The following DDX19A variants were observed in gnomAD, a reference collection of about 807,000 sequenced individuals.
DDX19A encodes the protein DEAD-box helicase 19A.
DDX19A carries 12 observed loss-of-function variants against 60.6 expected under a neutral mutation model. The ratio of observed to expected loss-of-function variants is 0.20; its 90% CI spans 0.13 to 0.32. The LOEUF is 0.32. Among genes scored for constraint, DDX19A ranks in the 10% least tolerant of loss-of-function variants. DDX19A has a pLI of 1.00. For missense variants in DDX19A, 337 were observed against 600.6 expected (o/e 0.56, Z 4.59); for synonymous variants, 206 against 218.2 (o/e 0.94, Z 0.49).
chr16:70,356,024 G>A, intron 3 of DDX19A, 88 bp from the exon 4 acceptor site: 19 of 1,557,304 alleles, frequency 1.2e-5, no homozygotes, highest in Non-Finnish European at 1.5e-5. Context: ...GACTGCCCAG[G>A]TGCTAGTGTG....
In DDX19A at chr16:70,346,924, G is replaced by T. The variant is rs190797951; in HGVS notation, c.-68G>T. 1.3e-6 allele frequency: 2 copies of T among 1,521,494 alleles called. No individual in the cohort carries two copies. Among genetic ancestry groups the T allele is most frequent in the East Asian group, 4.7e-5 (2 of 42,554 alleles). The allele number at this position is 1,521,494 out of a possible 1,614,324, so 94.2% of individuals were successfully genotyped here. On this transcript the variant is annotated 5_prime_UTR_variant, in exon 1 of 12. It adds an upstream start codon to the 5' untranslated region. Transcript: ENST00000302243. Reference sequence around the variant, plus strand: ...AGGTGCATTCTCGCGCCGGTGGCGAGGTTAGGGCCCGCGTTGCGACGTGGT... The same window carrying T: ...AGGTGCATTCTCGCGCCGGTGGCGATGTTAGGGCCCGCGTTGCGACGTGGT...
chr16:70,373,255 A>C lies in DDX19A; in HGVS notation c.*1269A>C, dbSNP rs1243267232. ...CTCAATAAATAAATAAGGATGGATA[A>C]ATTGTAGCGTATGCACCATTCATTA... On this transcript the variant is annotated 3_prime_UTR_variant, in exon 12 of 12. Coordinates refer to ENST00000302243, the MANE Select transcript of DDX19A (RefSeq NM_018332.5). 1.3e-5 allele frequency: 2 copies of C among 152,132 alleles called. No homozygotes were observed. The highest frequency in any genetic ancestry group is 2.1e-4 in the South Asian group (1 of 4,828). 9.4% of individuals were successfully genotyped at this position (152,132 alleles called of 1,614,324 possible). A position where few individuals can be genotyped will look rare whatever the true frequency, so the allele number is the denominator to read the frequency against.
At position 70,347,018 on chromosome 16, in the gene DDX19A, G is replaced by A; in HGVS notation, c.27G>A (p.Ala9=). 2 of 1,612,718 alleles carry A rather than the reference G, an allele frequency of 1.2e-6. No homozygotes were observed. The highest frequency in any genetic ancestry group is 1.7e-6 in the Non-Finnish European group (2 of 1,179,804). The part of the protein sequence containing the change: MATDSWAL[A]VDEQEAAVKS... ...TGGCCACCGACTCGTGGGCCCTGGC[G>A]GTGGACGAGCAGGAAGCGGCTGTCA... Residue 9 remains alanine, a synonymous_variant, in exon 1 of 12, where the codon GCG becomes GCA. Coordinates refer to ENST00000302243, the MANE Select transcript of DDX19A (RefSeq NM_018332.5).
At position 70,347,146 on chromosome 16, in the gene DDX19A, C is replaced by CAACG. The variant is rs1348259459; in HGVS notation, c.57+99_57+102dup. 3 of 1,195,640 alleles carry CAACG rather than the reference C, an allele frequency of 2.5e-6. No homozygotes were observed. The African/African-American group carries it at 4.5e-5, about 18-fold the overall frequency. The allele number at this position is 1,195,640 out of a possible 1,614,324, so 74.1% of individuals were successfully genotyped here. A position where few individuals can be genotyped will look rare whatever the true frequency, so the allele number is the denominator to read the frequency against. ...TCCCCGGGTTGGGGAGGCCCCTGGGCAACGCGCTCCTGCAGTTTGCTAGGG... is the reference window on the plus strand; with the variant it reads ...TCCCCGGGTTGGGGAGGCCCCTGGGCAACGAACGCGCTCCTGCAGTTTGCTAGGG... On this transcript the variant is annotated intron_variant, in intron 1 of 11. Coordinates refer to ENST00000302243, the MANE Select transcript of DDX19A (RefSeq NM_018332.5).
chr16:70,359,225 A>G (rs918365004), intron 4 of DDX19A, among the ~76,000 whole-genome samples: 20 of 152,358 alleles, frequency 1.3e-4, no homozygotes, highest in African/African-American at 4.6e-4. Flanking sequence ...AAGCTGTTGG[A>G]TCATTTGAGT....
Position 70,353,637 on chromosome 16 carries a change from A to G in DDX19A, c.107-1848A>G, listed in dbSNP as rs1964094132. 2.0e-5 allele frequency among the ~76,000 whole-genome samples: 3 copies of G among 152,240 alleles called. No individual in the cohort carries two copies. In the South Asian group the frequency reaches 6.2e-4, roughly 32 times the overall value. ...AATTGGTGGCCGGGCACAGCGGCTC[A>G]TGCTTGTAATTCCAGCACTTTGGGA... On this transcript the variant is annotated intron_variant, in intron 2 of 11. Coordinates refer to ENST00000302243, the MANE Select transcript of DDX19A (RefSeq NM_018332.5).
chr16:70,356,524 T>C (rs1406268897), intron 4 of DDX19A, among the ~76,000 whole-genome samples: 1 of 151,904 alleles, frequency 6.6e-6, no homozygotes, highest in Non-Finnish European at 1.5e-5. Flanking sequence ...GTCAAGCTAA[T>C]TTTTTGTATT....
At chr16:70,361,306 G>A (rs1335579874) in intron 4 of DDX19A, 112 bp from the exon 5 acceptor site, 18 of 825,534 alleles carry the variant, frequency 2.2e-5, no homozygotes, top group Admixed American at 9.6e-5. Context: ...AGGAAAATAC[G>A]TCTGACAGAG....
chr16:70,355,927 A>C (rs1964171235), intron 3 of DDX19A, 185 bp from the exon 4 acceptor site: 2 of 731,370 alleles, frequency 2.7e-6, no homozygotes, highest in South Asian at 1.9e-5. Flanking sequence ...GCTCCACTGC[A>C]CTCCAGCCTG....
chr16:70,367,819 G>A (rs1458010421), intron 9 of DDX19A, among the ~76,000 whole-genome samples: 2 of 151,858 alleles, frequency 1.3e-5, no homozygotes, highest in Non-Finnish European at 2.9e-5. Context: ...GGAGATTGCA[G>A]TGAGCTGAGA....
Position 70,372,206 on chromosome 16 carries a change from C to T in DDX19A, c.*220C>T, listed in dbSNP as rs2047284315. 4.5e-6 allele frequency: 3 copies of T among 671,138 alleles called. No homozygotes were observed. The highest frequency in any genetic ancestry group is 7.6e-6 in the Non-Finnish European group (3 of 395,936). 41.6% of individuals were successfully genotyped at this position (671,138 alleles called of 1,614,324 possible). A position where few individuals can be genotyped will look rare whatever the true frequency, so the allele number is the denominator to read the frequency against. On this transcript the variant is annotated 3_prime_UTR_variant, in exon 12 of 12. Transcript: ENST00000302243. ...GCATTTTGGAAAATTGGGTCCTTTC[C>T]CCACTTTTTTAAAGCCACATTCCCC...
chr16:70,357,362 GTTTGTTTTTTTTTTTTT>G (rs1964235086), intron 4 of DDX19A, among the ~76,000 whole-genome samples: 1 of 48,876 alleles, frequency 2.0e-5, no homozygotes, highest in African/African-American at 8.0e-5. Flanking sequence ...TCTGTTTTTG[GTTTGTTTTTTTTTTTTT>G]TTTTTTTTTT....
At chr16:70,347,119 G>A in intron 1 of DDX19A, 71 bp downstream of exon 1, 1 of 1,501,826 alleles carries the variant, frequency 6.7e-7, no homozygotes, top group Non-Finnish European at 9.1e-7. Context: ...AGCACAGGGA[G>A]CTCCCCGGGT....
intron 10 of DDX19A, chr16:70,371,142 G>T: frequency 1.4e-6 from 1 of 707,678 alleles, no homozygotes. Context: ...GTGTCTCCCA[G>T]AGGATTACCG....
chr16:70,363,725 T>C (rs1007324089), intron 5 of DDX19A: 1 of 151,246 alleles, frequency 6.6e-6, no homozygotes, highest in Admixed American at 6.6e-5. Context: ...CCCACCTTAG[T>C]TTATTTATTT....
At chr16:70,364,678 G>C in intron 6 of DDX19A, 33 bp downstream of exon 6, 1 of 1,538,356 alleles carries the variant, frequency 6.5e-7, no homozygotes, top group Non-Finnish European at 9.0e-7. Context: ...GTCCTAGGTT[G>C]CCTGCCCTGG....
chr16:70,368,353 A>G (rs1230457647), intron 9 of DDX19A, among the ~76,000 whole-genome samples: 1 of 151,610 alleles, frequency 6.6e-6, no homozygotes, highest in Non-Finnish European at 1.5e-5. Context: ...GCTCACTGCA[A>G]CCTCCGCCTC....
At position 70,373,314 on chromosome 16, in the gene DDX19A, C is replaced by G. The variant is rs112216038; in HGVS notation, c.*1328C>G. On this transcript the variant is annotated 3_prime_UTR_variant, in exon 12 of 12. Coordinates refer to ENST00000302243, the MANE Select transcript of DDX19A (RefSeq NM_018332.5). ...CATTTTAAAGTAATTATGAGAAACG[C>G]TCTACTAATGATTTGTTTTTATTTG... 3 of 152,150 alleles carry G rather than the reference C, an allele frequency of 2.0e-5. No individual in the cohort carries two copies. The highest frequency in any genetic ancestry group is 7.2e-5 in the African/African-American group (3 of 41,428). 9.4% of individuals were successfully genotyped at this position (152,150 alleles called of 1,614,324 possible). A position where few individuals can be genotyped will look rare whatever the true frequency, so the allele number is the denominator to read the frequency against.
intron 4 of DDX19A, among the ~76,000 whole-genome samples, chr16:70,359,037 G>C (rs1964298377): frequency 6.6e-6 from 1 of 152,148 alleles, no homozygotes; most frequent in Non-Finnish European, 1.5e-5. Context: ...TAGAAGACGT[G>C]AGCTCTCAGT....
Sources: allele counts gnomAD v4.1 joint callset (sites outside exome capture counted in the v4.1 genomes callset), GRCh38; gene constraint gnomAD v4.1.1; transcripts MANE v1.5; gene names NCBI Gene and HGNC (gene_info 2026-07-23, HGNC 2026-07-21).